The following CFAP299 variants were observed in gnomAD, a reference collection of about 807,000 sequenced individuals.
CFAP299 encodes the protein cilia- and flagella-associated protein 299.
A neutral mutation model predicts 27.0 loss-of-function variants in CFAP299; 21 were observed. That is an observed-to-expected ratio of 0.78 (90% CI 0.55 to 1.12). CFAP299 has a LOEUF of 1.12. CFAP299 is among the 50% of genes most tolerant of loss of function. The pLI is 0.00. For synonymous variants in CFAP299, 104 were observed against 98.1 expected (o/e 1.06, Z -0.36); for missense variants, 310 against 276.6 (o/e 1.12, Z -0.86).
upstream of CFAP299, chr4:80,335,729 T>A: frequency 7.9e-7 from 1 of 1,264,924 alleles, no homozygotes; most frequent in East Asian, 2.3e-5. Context: ...CCTGCCCTCC[T>A]GCTTCCGTTG....
At chr4:80,639,234 T>A (rs1326812559) in intron 3 of CFAP299, among the ~76,000 whole-genome samples, 1 of 152,150 alleles carries the variant, frequency 6.6e-6, no homozygotes, top group African/African-American at 2.4e-5. Flanking sequence ...AAGACGTATG[T>A]AAAACAAAGA....
chr4:80,795,055 G>C (rs1405389044), intron 3 of CFAP299, among the ~76,000 whole-genome samples: 1 of 152,128 alleles, frequency 6.6e-6, no homozygotes, highest in East Asian at 1.9e-4. Flanking sequence ...GATGGCTGGG[G>C]AAAGAAGCTG....
intron 3 of CFAP299, among the ~76,000 whole-genome samples, chr4:80,690,245 T>TG (rs1720567462): frequency 6.6e-6 from 1 of 150,972 alleles, no homozygotes; most frequent in African/African-American, 2.5e-5. Flanking sequence ...TATACATTTT[T>TG]TTCAGCACCA....
intron 2 of CFAP299, among the ~76,000 whole-genome samples, chr4:80,477,348 A>G (rs1359667268): frequency 6.6e-6 from 1 of 152,176 alleles, no homozygotes; most frequent in Non-Finnish European, 1.5e-5. Flanking sequence ...GGCATGAGCC[A>G]CCACATCCAA....
chr4:80,661,850 AAG>A (rs1740867401), intron 3 of CFAP299, among the ~76,000 whole-genome samples: 1 of 152,174 alleles, frequency 6.6e-6, no homozygotes, highest in Admixed American at 6.6e-5. Context: ...ATCCCTGAGA[AAG>A]AGAATGCGTC....
At chr4:80,408,529 T>C (rs558724313) in intron 2 of CFAP299, among the ~76,000 whole-genome samples, 7 of 152,300 alleles carry the variant, frequency 4.6e-5, no homozygotes, top group African/African-American at 1.7e-4. Context: ...TTATACTTTT[T>C]GTTACCTATA....
chr4:80,855,606 T>G (rs1486191781), intron 3 of CFAP299, among the ~76,000 whole-genome samples: 1 of 152,112 alleles, frequency 6.6e-6, no homozygotes. Flanking sequence ...CCTTCCTGTA[T>G]CCATGTGTTC....
At position 80,437,610 on chromosome 4, in the gene CFAP299, C is replaced by T. The variant is rs1484185952; in HGVS notation, c.242+74726C>T. On this transcript the variant is annotated intron_variant, in intron 2 of 5. Coordinates refer to ENST00000358105, the MANE Select transcript of CFAP299 (RefSeq NM_152770.3). Reference sequence around the variant, plus strand: ...CAGTAAACATGCCTGTCCTTTGCTCCAGAGGGGAGACACTATCTCCATCTA... The same window carrying T: ...CAGTAAACATGCCTGTCCTTTGCTCTAGAGGGGAGACACTATCTCCATCTA... Among the ~76,000 whole-genome samples the T allele has an allele frequency of 3.3e-5, 5 of 152,274 alleles. No individual in the cohort carries two copies. The South Asian group carries it at 1.0e-3, about 32-fold the overall frequency.
At chr4:80,844,638 T>G (rs2110142028) in intron 3 of CFAP299, among the ~76,000 whole-genome samples, 1 of 152,296 alleles carries the variant, frequency 6.6e-6, no homozygotes, top group East Asian at 1.9e-4. Context: ...GAGTTCATTG[T>G]AGATTCTGGA....
rs1357074203 is a variant in CFAP299 at position 80,902,073 on chromosome 4, T to A, written c.476+31938T>A. ...GCACTTTCAAATAACAAAACTGTGA[T>A]ATTTTCCAGCTGGGTCAGGTGCCTT... On this transcript the variant is annotated intron_variant, in intron 4 of 5. Coordinates refer to ENST00000358105, the MANE Select transcript of CFAP299 (RefSeq NM_152770.3). 3.3e-5 allele frequency among the ~76,000 whole-genome samples: 5 copies of A among 152,170 alleles called. No individual in the cohort carries two copies. The South Asian group carries it at 6.2e-4, about 19-fold the overall frequency.
rs1728575698 is a variant in CFAP299 at position 80,801,202 on chromosome 4, CT to C, written c.334-68787del. 2.0e-5 allele frequency among the ~76,000 whole-genome samples: 3 copies of C among 150,232 alleles called. No individual in the cohort carries two copies. In the East Asian group the frequency reaches 5.8e-4, roughly 29 times the overall value. On this transcript the variant is annotated intron_variant, in intron 3 of 5. Transcript: ENST00000358105. ...ACACTATGGTTTTTTTTTTTTTAAC[CT>C]TTTGAACATATAGATTTTTATATAT... is the stretch of plus-strand genomic sequence containing the variant.
intron 2 of CFAP299, among the ~76,000 whole-genome samples, chr4:80,514,579 C>T (rs1732490717): frequency 6.6e-6 from 1 of 151,914 alleles, no homozygotes. Context: ...TATTTAAAGC[C>T]CACTGGTCCC....
intron 2 of CFAP299, among the ~76,000 whole-genome samples, chr4:80,454,239 G>C (rs1729040929): frequency 6.6e-6 from 1 of 152,130 alleles, no homozygotes; most frequent in African/African-American, 2.4e-5. Flanking sequence ...GGAATGCCAG[G>C]TATGATGAAA....
At chr4:80,851,202 C>A (rs1175936008) in intron 3 of CFAP299, among the ~76,000 whole-genome samples, 1 of 152,010 alleles carries the variant, frequency 6.6e-6, no homozygotes, top group Admixed American at 6.6e-5. Flanking sequence ...TAATGTCTGG[C>A]CAAGCTAAGG....
intron 3 of CFAP299, among the ~76,000 whole-genome samples, chr4:80,854,618 C>G (rs1731718662): frequency 6.6e-6 from 1 of 150,612 alleles, no homozygotes; most frequent in African/African-American, 2.4e-5. Flanking sequence ...GGGCGGAAGA[C>G]ACAGTGGCTC....
At chr4:80,616,616 G>C (rs114421158) in intron 3 of CFAP299, among the ~76,000 whole-genome samples, 1 of 151,908 alleles carries the variant, frequency 6.6e-6, no homozygotes, top group Admixed American at 6.6e-5. Flanking sequence ...GACAATGCTC[G>C]TCTCACTTCA....
rs913911940 is a variant in CFAP299 at position 80,429,034 on chromosome 4, C to T, written c.242+66150C>T. 2.6e-5 allele frequency among the ~76,000 whole-genome samples: 4 copies of T among 152,298 alleles called. No individual in the cohort carries two copies. In the East Asian group the frequency reaches 7.7e-4, roughly 29 times the overall value. On this transcript the variant is annotated intron_variant, in intron 2 of 5. Transcript: ENST00000358105. The stretch of plus-strand genomic sequence containing the variant: ...ATGGGATGAGCATTTGACAAGTTCA[C>T]ACAATGTATAGTTCAGAGTTCAAAG...
chr4:80,571,555 G>T (rs1735581884), intron 2 of CFAP299, among the ~76,000 whole-genome samples: 1 of 152,064 alleles, frequency 6.6e-6, no homozygotes, highest in Non-Finnish European at 1.5e-5. Context: ...ATTACATCTT[G>T]TTCCAAAATG....
intron 3 of CFAP299, among the ~76,000 whole-genome samples, chr4:80,678,963 T>C (rs1361991880): frequency 2.0e-5 from 3 of 152,040 alleles, no homozygotes; most frequent in Non-Finnish European, 1.5e-5. Flanking sequence ...CATTTGTTTT[T>C]CTGTGTTTGT....
Sources: allele counts gnomAD v4.1 joint callset (sites outside exome capture counted in the v4.1 genomes callset), GRCh38; gene constraint gnomAD v4.1.1; transcripts MANE v1.5; gene names NCBI Gene and HGNC (gene_info 2026-07-23, HGNC 2026-07-21).